INTS6L: variants seen among roughly 807,000 people sequenced by gnomAD.
INTS6L encodes integrator complex subunit 6-like.
INTS6L carries 18 observed loss-of-function variants against 64.7 expected under a neutral mutation model. The observed-to-expected ratio is 0.28, with a 90% CI of 0.19 to 0.41. INTS6L has a LOEUF of 0.41. Among genes scored for constraint, INTS6L ranks in the 10% least tolerant of loss-of-function variants. The pLI is 1.00. For missense variants in INTS6L, 533 were observed against 661.0 expected (o/e 0.81, Z 2.12); for synonymous variants, 227 against 235.9 (o/e 0.96, Z 0.34).
chrX:135,580,404 TAAAAC>T (rs782075278), intron 16 of INTS6L, among the ~76,000 whole-genome samples: 1 of 112,806 alleles, frequency 8.9e-6, no homozygotes, highest in Non-Finnish European at 1.9e-5. Flanking sequence ...ATTCCTAGCT[TAAAAC>T]AATACAAATT....
In INTS6L at chrX:135,564,835, C is replaced by T. The variant is rs947669010; in HGVS notation, c.1193-4502C>T. On this transcript the variant is annotated intron_variant, in intron 9 of 17. Transcript: ENST00000639893. ...TTTTGTTATGAGTCTCTGGATCTTA[C>T]TTAAACCTTCTGTTTTAACTTACTT... 6.3e-5 allele frequency among the ~76,000 whole-genome samples: 7 copies of T among 111,225 alleles called. No individual in the cohort carries two copies. In the East Asian group the frequency reaches 1.7e-3, roughly 27 times the overall value.
At chrX:135,571,981 T>C (rs782465201) in intron 11 of INTS6L, 119 of 112,209 alleles carry the variant, frequency 1.1e-3, no homozygotes, top group African/African-American at 3.7e-3. Flanking sequence ...GGAAAATTGA[T>C]AAATATCTGT....
chrX:135,560,187 T>C (rs2086748580), intron 9 of INTS6L, among the ~76,000 whole-genome samples: 1 of 112,313 alleles, frequency 8.9e-6, no homozygotes, highest in African/African-American at 3.2e-5. Flanking sequence ...GCAAATGGTA[T>C]TGTATTTTTG....
intron 2 of INTS6L, among the ~76,000 whole-genome samples, chrX:135,531,455 C>T (rs1461669933): frequency 8.9e-6 from 1 of 112,346 alleles, no homozygotes; most frequent in Non-Finnish European, 1.9e-5. Context: ...AGTCAGACCT[C>T]TTCTGTCATT....
intron 2 of INTS6L, among the ~76,000 whole-genome samples, chrX:135,528,305 A>G (rs1342748237): frequency 4.5e-5 from 5 of 111,789 alleles, no homozygotes; most frequent in African/African-American, 1.3e-4. Flanking sequence ...TCACTTAGCC[A>G]TAGACCTATT....
intron 2 of INTS6L, among the ~76,000 whole-genome samples, chrX:135,525,221 G>A (rs1398285063): frequency 2.7e-5 from 3 of 112,127 alleles, no homozygotes; most frequent in Non-Finnish European, 5.6e-5. Context: ...GAAGAGGCAG[G>A]CTTGTCACTA....
At chrX:135,524,346 T>A (rs1310174867) in intron 2 of INTS6L, among the ~76,000 whole-genome samples, 1 of 111,830 alleles carries the variant, frequency 8.9e-6, no homozygotes, top group Non-Finnish European at 1.9e-5. Flanking sequence ...GGCACCTTAG[T>A]TCCTACTTAA....
Position 135,546,391 on chromosome X carries a change from A to AT in INTS6L, c.359dup (p.Leu120PhefsTer37), listed in dbSNP as rs782242788. 8 of 1,147,654 alleles carry AT rather than the reference A, an allele frequency of 7.0e-6. No individual in the cohort carries two copies. The highest frequency in any genetic ancestry group is 3.1e-5 in the East Asian group (1 of 31,981). 94.6% of individuals were successfully genotyped at this position (1,147,654 alleles called of 1,213,427 possible). A position where few individuals can be genotyped will look rare whatever the true frequency, so the allele number is the denominator to read the frequency against. ...TAAATGTATTTTAGGGGAGAAATCC[A>AT]TTTTTTTTAGAACCATCTATTTTAA... On this transcript the variant is annotated frameshift_variant, in exon 4 of 18. Transcript: ENST00000639893. LOFTEE classifies it high-confidence loss of function.
intron 2 of INTS6L, among the ~76,000 whole-genome samples, chrX:135,535,290 T>C (rs1208363209): frequency 8.9e-6 from 1 of 112,279 alleles, no homozygotes; most frequent in East Asian, 2.8e-4. Flanking sequence ...AAAAATCATT[T>C]TACAAAGATA....
intron 2 of INTS6L, among the ~76,000 whole-genome samples, chrX:135,526,067 CA>C (rs2085727129): frequency 8.9e-6 from 1 of 111,799 alleles, no homozygotes; most frequent in Admixed American, 9.5e-5. Context: ...AGATGCCTGA[CA>C]AAACTGTGGA....
chrX:135,574,088 T>C (rs1569514032), intron 13 of INTS6L, 26 bp downstream of exon 13: 1 of 1,175,020 alleles, frequency 8.5e-7, no homozygotes, highest in Non-Finnish European at 1.1e-6. Context: ...AATACTTTTT[T>C]TTTTTTTTTG....
intron 9 of INTS6L, among the ~76,000 whole-genome samples, chrX:135,565,865 A>T (rs1341371855): frequency 1.8e-5 from 2 of 111,798 alleles, no homozygotes; most frequent in African/African-American, 6.5e-5. Context: ...ATCTTGACTC[A>T]GTTCCCATTC....
rs185878125 is a variant in INTS6L at position 135,547,565 on chromosome X, T to C, written c.742+300T>C. ...CATTCACCTCTCTATTCACAAAATG[T>C]CTGGAGATTCACTATGGTGTACACT... is the stretch of plus-strand genomic sequence containing the variant. On this transcript the variant is annotated intron_variant, in intron 6 of 17. Coordinates refer to ENST00000639893, the MANE Select transcript of INTS6L (RefSeq NM_001351601.3). Among the ~76,000 whole-genome samples the C allele has an allele frequency of 2.8e-4, 32 of 112,339 alleles. No individual in the cohort carries two copies. In the East Asian group the frequency reaches 7.8e-3, roughly 27 times the overall value.
At chrX:135,547,417 G>A in intron 6 of INTS6L, 152 bp downstream of exon 6, 2 of 605,959 alleles carry the variant, frequency 3.3e-6, no homozygotes, top group Middle Eastern at 5.8e-4. Context: ...CACTGCCTAT[G>A]TATATGTATC....
At position 135,577,328 on chromosome X, in the gene INTS6L, C is replaced by A. The variant is rs143243277; in HGVS notation, c.2020C>A (p.Pro674Thr). Residue 674 changes from proline (P) to threonine (T), a missense_variant, in exon 15 of 18, where the codon CCA becomes ACA. Pro to Thr is a conservative substitution (Grantham distance 38, BLOSUM62 -1). Coordinates refer to ENST00000639893, the MANE Select transcript of INTS6L (RefSeq NM_001351601.3). ...CCTGCTGTTGAGGAAACCACAAACA[C>A]CACCTACTGTAACTAACCATGTGGG... ...MSLLLRKPQT[P>T]PTVTNHVGGK... 5.8e-4 allele frequency: 705 copies of A among 1,209,710 alleles called. No homozygotes were observed. The highest frequency in any genetic ancestry group is 7.4e-4 in the Non-Finnish European group (665 of 895,243).
chrX:135,535,772 C>T (rs1556508475), intron 2 of INTS6L, among the ~76,000 whole-genome samples: 2 of 112,044 alleles, frequency 1.8e-5, no homozygotes, highest in African/African-American at 6.5e-5. Context: ...TAGACTCTGG[C>T]TTTAACTTGT....
chrX:135,554,098 A>G (rs1399123190), intron 8 of INTS6L, among the ~76,000 whole-genome samples: 3 of 112,129 alleles, frequency 2.7e-5, no homozygotes, highest in African/African-American at 9.7e-5. Context: ...GTCACCAACT[A>G]TGTGGCCTTG....
chrX:135,543,563 G>A (rs1173284980), intron 2 of INTS6L, among the ~76,000 whole-genome samples: 3 of 111,197 alleles, frequency 2.7e-5, no homozygotes, highest in Admixed American at 9.5e-5. Flanking sequence ...TTTGTGGCAG[G>A]AACCCCTCAA....
chrX:135,528,945 A>T (rs2085827884), intron 2 of INTS6L, among the ~76,000 whole-genome samples: 1 of 92,534 alleles, frequency 1.1e-5, no homozygotes, highest in Non-Finnish European at 2.0e-5. Context: ...TGATGGCTTG[A>T]TAACCCTTGC....
Sources: gnomAD v4.1 joint callset for allele counts (sites outside exome capture counted in the v4.1 genomes callset) on GRCh38, gnomAD v4.1.1 for gene constraint, MANE v1.5 for transcripts, NCBI Gene and HGNC (gene_info 2026-07-23, HGNC 2026-07-21) for gene names.